DCTN1: variants seen among roughly 807,000 people sequenced by gnomAD.
The protein encoded by DCTN1 is 150 kDa dynein-associated polypeptide.
In DCTN1, 61 loss-of-function variants were observed where a neutral mutation model predicts 161.2. That is an observed-to-expected ratio of 0.38 (90% CI 0.31 to 0.47). The LOEUF is 0.47. DCTN1 is among the 20% of genes least tolerant of loss of function. The pLI is 0.99. For synonymous variants in DCTN1, 653 were observed against 632.4 expected (o/e 1.03, Z -0.49); for missense variants, 1,404 against 1,623.7 (o/e 0.86, Z 2.33).
chr2:74,384,670 C>A (rs1198952854), upstream of DCTN1, among the ~76,000 whole-genome samples: 1 of 152,204 alleles, frequency 6.6e-6, no homozygotes, highest in East Asian at 1.9e-4. Context: ...TCTACCATTT[C>A]TCCCCTGTCT....
At position 74,363,126 on chromosome 2, in the gene DCTN1, T is replaced by C. The variant is rs1064797254; in HGVS notation, c.3397A>G (p.Lys1133Glu). Reference sequence around the variant, plus strand: ...CTGCCAGGGCCCTCATGGGATAGCTTTGCAACATGCAGAGGGGGCAGGGAT... The same window carrying C: ...CTGCCAGGGCCCTCATGGGATAGCTCTGCAACATGCAGAGGGGGCAGGGAT... ...LASLPPLHVA[K>E]LSHEGPGSEL... is the part of the protein sequence containing the mutation. The change falls in exon 29 of 32, where the codon AAG becomes GAG. Residue 1133 changes from lysine to glutamate, a missense_variant. Lys to Glu is a moderately conservative substitution (Grantham distance 56). This residue lies in a region of DCTN1 where 311 missense variants were observed against 298.9 expected (regional missense o/e 1.04). Coordinates refer to ENST00000628224, the MANE Select transcript of DCTN1 (RefSeq NM_004082.5). 9 of 1,614,054 alleles carry C rather than the reference T, an allele frequency of 5.6e-6. No individual in the cohort carries two copies. The highest frequency in any genetic ancestry group is 5.1e-6 in the Non-Finnish European group (6 of 1,179,976).
At chr2:74,365,493 G>C (rs201008220) in intron 25 of DCTN1, 22 bp downstream of exon 25, 2 of 1,614,104 alleles carry the variant, frequency 1.2e-6, no homozygotes, top group Non-Finnish European at 1.7e-6. Context: ...GAGGAAGCAA[G>C]GCCCCAGGGA....
At position 74,380,199 on chromosome 2, in the gene DCTN1, C is replaced by T. The variant is rs1292504283; in HGVS notation, c.-162G>A. The T allele has an allele frequency of 2.0e-5, 15 of 754,844 alleles. No individual in the cohort carries two copies. Among genetic ancestry groups the T allele is most frequent in the African/African-American group, 5.2e-5 (3 of 58,122 alleles). 46.8% of individuals were successfully genotyped at this position (754,844 alleles called of 1,614,324 possible). On this transcript the variant is annotated 5_prime_UTR_variant, in exon 1 of 32. In the 5' UTR this introduces an upstream ATG that the reference lacks. Transcript: ENST00000628224. ...CATGGGCCTCACTCGGTGGCCTACA[C>T]GGGTAGGGGTGGGGGCAGTGATGGG...
Position 74,369,994 on chromosome 2 carries a change from G to C in DCTN1, c.1363C>G (p.Arg455Gly). The C allele has an allele frequency of 1.9e-6, 3 of 1,614,078 alleles. No homozygotes were observed. Among genetic ancestry groups the C allele is most frequent in the Non-Finnish European group, 2.5e-6 (3 of 1,180,024 alleles). Reference sequence around the variant, plus strand: ...TCTCCCACAGTCTCCCTCAACTCGCGCACTTTCTCTTCCAGATTCAGGTTC... The same window carrying C: ...TCTCCCACAGTCTCCCTCAACTCGCCCACTTTCTCTTCCAGATTCAGGTTC... ...DRNLNLEEKV[R>G]ELRETVGDLE... Residue 455 changes from arginine to glycine, a missense_variant, in exon 13 of 32, where the codon CGC (arginine) becomes GGC (glycine). By Grantham distance (125) the Arg-to-Gly change is moderately radical. Transcript: ENST00000628224. This position sits in a 1 kb window ranked among gnomAD's most constrained non-coding sequence, Gnocchi z 4.9.
At chr2:74,371,257 A>T in intron 8 of DCTN1, 81 bp from the exon 9 acceptor site, 1 of 1,605,748 alleles carries the variant, frequency 6.2e-7, no homozygotes, top group Non-Finnish European at 8.5e-7. Flanking sequence ...AGAACACAAG[A>T]AAGTGTGCAA....
At chr2:74,384,065 A>G (rs1490654674), upstream of DCTN1, among the ~76,000 whole-genome samples, 1 of 152,256 alleles carries the variant, frequency 6.6e-6, no homozygotes. Context: ...GAGAAATGTA[A>G]TAATTGAAAC....
At position 74,370,207 on chromosome 2, in the gene DCTN1, G is replaced by A. The variant is rs368742342; in HGVS notation, c.1266C>T (p.Thr422=). The change falls in exon 12 of 32, where the codon ACC becomes ACT. Residue 422 remains threonine, a synonymous_variant. Coordinates refer to ENST00000628224, the MANE Select transcript of DCTN1 (RefSeq NM_004082.5). This position sits in a 1 kb window ranked among gnomAD's most constrained non-coding sequence, Gnocchi z 4.4. ...AGACCTGCTCCTTGAGCTCATCAAT[G>A]GTGCTCTCTGCCTGGCTTAGCTCCT... ...LQEELSQAES[T]IDELKEQVDA... 1.3e-5 allele frequency: 21 copies of A among 1,613,728 alleles called. No homozygotes were observed. In the African/African-American group the frequency reaches 1.9e-4, roughly 14 times the overall value.
intron 30 of DCTN1, 144 bp from the exon 31 acceptor site, chr2:74,362,285 A>G (rs1674064020): frequency 1.4e-6 from 1 of 719,550 alleles, no homozygotes; most frequent in Non-Finnish European, 2.4e-6. Context: ...CTCATCTCCA[A>G]CCCCATCCCC....
In DCTN1 at chr2:74,367,867, A is replaced by G. The variant is rs753342942; in HGVS notation, c.2016-3T>C. On this transcript the variant is annotated splice_polypyrimidine_tract_variant and splice_region_variant and intron_variant, in intron 17 of 31. Coordinates refer to ENST00000628224, the MANE Select transcript of DCTN1 (RefSeq NM_004082.5). ...CCACACTGCACTGAGAGAGGGCACTAGAGACCAGAGAAGGGCACTGTGAGG... is the reference window on the plus strand; with the variant it reads ...CCACACTGCACTGAGAGAGGGCACTGGAGACCAGAGAAGGGCACTGTGAGG... The G allele has an allele frequency of 6.2e-7, 1 of 1,614,230 alleles. No individual in the cohort carries two copies. The highest frequency in any genetic ancestry group is 1.7e-5 in the Admixed American group (1 of 60,030).
chr2:74,381,458 C>A (rs1371198835), upstream of DCTN1, among the ~76,000 whole-genome samples: 1 of 152,178 alleles, frequency 6.6e-6, no homozygotes, highest in Non-Finnish European at 1.5e-5. Flanking sequence ...AAACACAATT[C>A]CAAATCTTCA....
chr2:74,369,007 C>A lies in DCTN1; in HGVS notation c.1701+91G>T, dbSNP rs1197464850. 1 of 1,562,380 alleles carries A rather than the reference C, an allele frequency of 6.4e-7. No homozygotes were observed. Among genetic ancestry groups the A allele is most frequent in the Non-Finnish European group, 8.8e-7 (1 of 1,135,254 alleles). ...GGCCAGAGTCTTCCAAACCACCACACAAAGCACCCCTTCCCCCAGGAATCT... is the reference window on the plus strand; with the variant it reads ...GGCCAGAGTCTTCCAAACCACCACAAAAAGCACCCCTTCCCCCAGGAATCT... On this transcript the variant is annotated intron_variant, in intron 15 of 31. Coordinates refer to ENST00000628224, the MANE Select transcript of DCTN1 (RefSeq NM_004082.5). This position sits in a 1 kb window ranked among gnomAD's most constrained non-coding sequence, Gnocchi z 4.9.
rs750028319 is a variant in DCTN1 at position 74,372,961 on chromosome 2, C to T, written c.433-13G>A. 2 of 1,613,846 alleles carry T rather than the reference C, an allele frequency of 1.2e-6. No homozygotes were observed. Among genetic ancestry groups the T allele is most frequent in the Non-Finnish European group, 1.7e-6 (2 of 1,179,852 alleles). On this transcript the variant is annotated splice_polypyrimidine_tract_variant and intron_variant, in intron 6 of 31. Transcript: ENST00000628224. ...GCCGAGTTGTGGTCTGGACAGGCAA[C>T]AGGAGCCAGAAGAGAAGTAGTCAGG...
Position 74,361,499 on chromosome 2 carries a change from T to C in DCTN1, c.3837A>G (p.Ter1279=). Residue 1279 remains the stop codon, a stop_retained_variant, in exon 32 of 32, where the codon TAA becomes TAG. Coordinates refer to ENST00000628224, the MANE Select transcript of DCTN1 (RefSeq NM_004082.5). The part of the protein sequence containing the change: ...LHQLHSRLIS[*] ...AGGGGACAGCAGGGGAAAGGAGTGCTTAGGAGATGAGGCGACTGTGAAGCT... is the reference window on the plus strand; with the variant it reads ...AGGGGACAGCAGGGGAAAGGAGTGCCTAGGAGATGAGGCGACTGTGAAGCT... The C allele has an allele frequency of 6.2e-7, 1 of 1,614,036 alleles. No individual in the cohort carries two copies. The highest frequency in any genetic ancestry group is 8.5e-7 in the Non-Finnish European group (1 of 1,179,992).
At chr2:74,366,072 C>A in intron 23 of DCTN1, 54 bp from the exon 24 acceptor site, 2 of 1,613,758 alleles carry the variant, frequency 1.2e-6, no homozygotes, top group Non-Finnish European at 1.7e-6. Flanking sequence ...AAGAGATCAT[C>A]ACTGTGCTCC....
At chr2:74,388,653 A>C (rs548117245) in intron 1 of DCTN1, among the ~76,000 whole-genome samples, 1 of 152,324 alleles carries the variant, frequency 6.6e-6, no homozygotes, top group East Asian at 1.9e-4. Flanking sequence ...TCTCCATTTC[A>C]ATACCACATT....
chr2:74,364,452 G>T, intron 26 of DCTN1: 1 of 168,756 alleles, frequency 5.9e-6, no homozygotes, highest in Non-Finnish European at 1.3e-5. Context: ...ACAAACTATA[G>T]GGCAGAGGAG....
rs776241706 is a variant in DCTN1, at chr2:74,365,077, C to A, written c.3194G>T (p.Gly1065Val). ...GIATLVSGIA[G>V]EEQQRGAIPG... is the part of the protein sequence containing the mutation. ...GCTGCCTATTCCACAGTACTCACCA[C>A]CAGCAATGCCAGAGACCAGAGTAGC... Residue 1065 changes from glycine to valine, a missense_variant and splice_region_variant, in exon 26 of 32, where the codon GGT (glycine) becomes GTT (valine). Coordinates refer to ENST00000628224, the MANE Select transcript of DCTN1 (RefSeq NM_004082.5). 1 of 1,614,088 alleles carries A rather than the reference C, an allele frequency of 6.2e-7. No individual in the cohort carries two copies. Among genetic ancestry groups the A allele is most frequent in the East Asian group, 2.2e-5 (1 of 44,882 alleles).
At position 74,361,430 on chromosome 2, in the gene DCTN1, T is replaced by A; in HGVS notation, c.*69A>T. ...GTTTCTACCTGGGGGCTGGCTGAGG[T>A]GGCTGTGCATCGGGCAGAGCGGCAC... is the stretch of plus-strand genomic sequence containing the variant. On this transcript the variant is annotated 3_prime_UTR_variant, in exon 32 of 32. Coordinates refer to ENST00000628224, the MANE Select transcript of DCTN1 (RefSeq NM_004082.5). 1 of 1,608,840 alleles carries A rather than the reference T, an allele frequency of 6.2e-7. No homozygotes were observed. Among genetic ancestry groups the A allele is most frequent in the Non-Finnish European group, 8.5e-7 (1 of 1,177,766 alleles).
chr2:74,363,985 T>C, intron 26 of DCTN1: 1 of 391,198 alleles, frequency 2.6e-6, no homozygotes, highest in Non-Finnish European at 4.8e-6. Context: ...GAGACCCCAA[T>C]ATGTCTGCAC....
Sources: gnomAD v4.1 joint callset for allele counts (sites outside exome capture counted in the v4.1 genomes callset) on GRCh38, gnomAD v4.1.1 for gene constraint, gnomAD v4.1.1 regional missense constraint, Gnocchi (gnomAD v3.1) non-coding constraint, MANE v1.5 for transcripts, NCBI Gene and HGNC (gene_info 2026-07-23, HGNC 2026-07-21) for gene names.